Variants in HDAC4 observed in about 807,000 individuals in gnomAD.
HDAC4 encodes the protein histone deacetylase 4, also known as histone deacetylase A.
A neutral mutation model predicts 135.1 loss-of-function variants in HDAC4; 16 were observed. The observed-to-expected ratio is 0.12, with a 90% CI of 0.08 to 0.18. The LOEUF is 0.18. Ranked by LOEUF, HDAC4 falls within the 10% of genes least tolerant of loss-of-function variation. The pLI is 1.00. For synonymous variants in HDAC4, 685 were observed against 653.4 expected (o/e 1.05, Z -0.74); for missense variants, 1,143 against 1,511.8 (o/e 0.76, Z 4.05).
intron 1 of HDAC4, among the ~76,000 whole-genome samples, chr2:239,361,456 G>C (rs868588840): frequency 1.3e-5 from 2 of 152,218 alleles, no homozygotes; most frequent in East Asian, 3.9e-4. Flanking sequence ...CCATGAGAAA[G>C]CCAGAGTCAC....
intron 3 of HDAC4, among the ~76,000 whole-genome samples, chr2:239,199,598 T>G (rs1447995461): frequency 6.6e-6 from 1 of 152,170 alleles, no homozygotes; most frequent in Non-Finnish European, 1.5e-5. Flanking sequence ...CGGTCACTGT[T>G]TACGAATGCT....
Position 239,078,403 on chromosome 2 carries a change from C to T in HDAC4, c.2750+2692G>A, listed in dbSNP as rs543408061. On this transcript the variant is annotated intron_variant, in intron 22 of 26. Coordinates refer to ENST00000543185, the MANE Select transcript of HDAC4 (RefSeq NM_001378414.1). Reference sequence around the variant, plus strand: ...CTGCCTGGAAGGCATGCATTGTCCCCGGGGGGCCCCCGTGGGGGAGAAGAG... The same window carrying T: ...CTGCCTGGAAGGCATGCATTGTCCCTGGGGGGCCCCCGTGGGGGAGAAGAG... 4.6e-5 allele frequency among the ~76,000 whole-genome samples: 7 copies of T among 152,062 alleles called. 1 individual carries two copies. The highest frequency in any genetic ancestry group is 1.9e-4 in the East Asian group (1 of 5,150).
At position 239,118,464 on chromosome 2, in the gene HDAC4, G is replaced by T. The variant is rs138086525; in HGVS notation, c.1534-3154C>A. ...AACTCAGCTTCAGAAAGCCAAACTCGCAGGGAGGAGAGTGCAGCGGTGGGT... is the reference window on the plus strand; with the variant it reads ...AACTCAGCTTCAGAAAGCCAAACTCTCAGGGAGGAGAGTGCAGCGGTGGGT... On this transcript the variant is annotated intron_variant, in intron 12 of 26. Coordinates refer to ENST00000543185, the MANE Select transcript of HDAC4 (RefSeq NM_001378414.1). 8.2e-4 allele frequency among the ~76,000 whole-genome samples: 125 copies of T among 152,302 alleles called. 1 individual carries two copies. The highest frequency in any genetic ancestry group is 3.0e-3 in the African/African-American group (123 of 41,576).
At chr2:239,078,341 T>G (rs2034970939) in intron 22 of HDAC4, among the ~76,000 whole-genome samples, 1 of 152,108 alleles carries the variant, frequency 6.6e-6, no homozygotes, top group South Asian at 2.1e-4. Context: ...CCCCTGAAAA[T>G]GCAATGTGGC....
At chr2:239,125,506 C>T (rs1384664619) in intron 12 of HDAC4, among the ~76,000 whole-genome samples, 3 of 152,162 alleles carry the variant, frequency 2.0e-5, no homozygotes, top group African/African-American at 7.2e-5. Flanking sequence ...TACAGCAGTG[C>T]AGGAATGGCC....
Position 239,168,564 on chromosome 2 carries a change from A to T in HDAC4, c.491-4641T>A, listed in dbSNP as rs149247719. Among the ~76,000 whole-genome samples, 406 of 152,146 alleles carry T rather than the reference A, an allele frequency of 2.7e-3. 3 individuals are homozygous for T. Among genetic ancestry groups the T allele is most frequent in the African/African-American group, 9.3e-3 (388 of 41,550 alleles). ...TAGATACTCAATAAGAAATTCACTT[A>T]AAAAAAACCCAAGAGAATAAACAGA... is the stretch of plus-strand genomic sequence containing the variant. On this transcript the variant is annotated intron_variant, in intron 5 of 26. Transcript: ENST00000543185.
At chr2:239,378,027 G>A (rs776522137) in intron 1 of HDAC4, among the ~76,000 whole-genome samples, 9 of 152,192 alleles carry the variant, frequency 5.9e-5, no homozygotes, top group Non-Finnish European at 1.0e-4. Context: ...CAGGGGAGAC[G>A]TCGCGTCCTG....
intron 2 of HDAC4, among the ~76,000 whole-genome samples, chr2:239,333,258 G>C (rs1313563066): frequency 1.3e-5 from 2 of 152,046 alleles, no homozygotes; most frequent in Non-Finnish European, 2.9e-5. Flanking sequence ...TTTACATTAA[G>C]TGGTTGGTAA....
intron 24 of HDAC4, among the ~76,000 whole-genome samples, chr2:239,063,270 G>T (rs1244509327): frequency 6.6e-6 from 1 of 151,866 alleles, no homozygotes; most frequent in East Asian, 1.9e-4. Flanking sequence ...GCGCGATCTC[G>T]GCTCACTGCA....
intron 3 of HDAC4, among the ~76,000 whole-genome samples, chr2:239,221,286 G>A (rs1559244977): frequency 6.6e-6 from 1 of 152,066 alleles, no homozygotes; most frequent in Non-Finnish European, 1.5e-5. Flanking sequence ...CACAGGAGCG[G>A]GGGACACCAT....
chr2:239,191,440 G>A (rs938958238), intron 3 of HDAC4, among the ~76,000 whole-genome samples: 1 of 152,244 alleles, frequency 6.6e-6, no homozygotes. Flanking sequence ...CAGCCCATAG[G>A]TGGCAGCTGC....
chr2:239,185,368 CAT>C (rs753678437), intron 4 of HDAC4, among the ~76,000 whole-genome samples: 1 of 147,108 alleles, frequency 6.8e-6, no homozygotes, highest in African/African-American at 2.5e-5. Flanking sequence ...CGTGGGGAGA[CAT>C]GTGCCCTGCA....
At chr2:239,371,356 C>G (rs1000903932) in intron 1 of HDAC4, among the ~76,000 whole-genome samples, 1 of 152,114 alleles carries the variant, frequency 6.6e-6, no homozygotes, top group Non-Finnish European at 1.5e-5. Flanking sequence ...AACACGCACA[C>G]TCAAACCCAT....
intron 15 of HDAC4, 137 bp downstream of exon 15, chr2:239,107,913 G>T: frequency 9.3e-7 from 1 of 1,075,002 alleles, no homozygotes. Flanking sequence ...CAGTGAAGAT[G>T]CTTGTGGCCC....
At chr2:239,255,021 C>T (rs1422974882) in intron 2 of HDAC4, among the ~76,000 whole-genome samples, 1 of 152,190 alleles carries the variant, frequency 6.6e-6, no homozygotes. Context: ...AATTCTACAC[C>T]TATCTAAACT....
intron 2 of HDAC4, among the ~76,000 whole-genome samples, chr2:239,301,541 G>A (rs1223168043): frequency 2.2e-4 from 34 of 151,550 alleles, no homozygotes; most frequent in Admixed American, 2.2e-3. Context: ...GGAGTGCAGC[G>A]GTATGACATG....
In HDAC4 at chr2:239,307,754, C is replaced by T. The variant is rs752749962; in HGVS notation, c.22+44924G>A. On this transcript the variant is annotated intron_variant, in intron 2 of 26. Coordinates refer to ENST00000543185, the MANE Select transcript of HDAC4 (RefSeq NM_001378414.1). The surrounding 1 kb of genome is among the most constrained non-coding windows in gnomAD (Gnocchi z 4.8). ...ATTTTCTTCAAGTTCTCTTTTAGAA[C>T]AAGCAAAATGGAATGAGGATGTCGG... Among the ~76,000 whole-genome samples, 27 of 152,150 alleles carry T rather than the reference C, an allele frequency of 1.8e-4. No individual in the cohort carries two copies. Among genetic ancestry groups the T allele is most frequent in the Non-Finnish European group, 2.9e-5 (2 of 68,022 alleles).
At chr2:239,347,584 C>T (rs970933487) in intron 2 of HDAC4, among the ~76,000 whole-genome samples, 7 of 152,170 alleles carry the variant, frequency 4.6e-5, no homozygotes, top group African/African-American at 1.2e-4. Flanking sequence ...GGCACCATCT[C>T]GGCTCACTGC....
In HDAC4 at chr2:239,102,673, GGCGACACCCACA is replaced by G. The variant is rs2037772289; in HGVS notation, c.2233+91_2233+102del. ...AGGCCCTTTACCTTATAACCTGGCAGGCGACACCCACAGGTGCCCCAGACACAAGGGGTTGAG... is the reference window on the plus strand; with the variant it reads ...AGGCCCTTTACCTTATAACCTGGCAGGGTGCCCCAGACACAAGGGGTTGAG... On this transcript the variant is annotated intron_variant, in intron 16 of 26. Coordinates refer to ENST00000543185, the MANE Select transcript of HDAC4 (RefSeq NM_001378414.1). 1.2e-5 allele frequency: 16 copies of G among 1,348,246 alleles called. 1 individual carries two copies. The South Asian group carries it at 1.9e-4, about 16-fold the overall frequency. 83.5% of individuals were successfully genotyped at this position (1,348,246 alleles called of 1,614,324 possible). A position where few individuals can be genotyped will look rare whatever the true frequency, so the allele number is the denominator to read the frequency against.
Sources: gnomAD v4.1 joint callset for allele counts (sites outside exome capture counted in the v4.1 genomes callset) on GRCh38, gnomAD v4.1.1 for gene constraint, Gnocchi (gnomAD v3.1) non-coding constraint, MANE v1.5 for transcripts, NCBI Gene and HGNC (gene_info 2026-07-23, HGNC 2026-07-21) for gene names.